DCUN1D1: variants seen among roughly 807,000 people sequenced by gnomAD.
DCUN1D1 encodes DCN1-like protein 1.
DCUN1D1 carries 3 observed loss-of-function variants against 39.0 expected under a neutral mutation model. The ratio of observed to expected loss-of-function variants is 0.08; its 90% CI spans 0.04 to 0.20. The LOEUF is 0.20. Among genes scored for constraint, DCUN1D1 ranks in the 10% least tolerant of loss-of-function variants. The pLI, the probability that DCUN1D1 is intolerant of heterozygous loss-of-function variation, is 1.00. For synonymous variants in DCUN1D1, 82 were observed against 96.3 expected (o/e 0.85, Z 0.87); for missense variants, 158 against 302.4 (o/e 0.52, Z 3.54).
intron 1 of DCUN1D1, among the ~76,000 whole-genome samples, chr3:182,967,180 C>CAA (rs1727715992): frequency 6.7e-6 from 1 of 149,832 alleles, no homozygotes; most frequent in Non-Finnish European, 1.5e-5. Context: ...TTAAGCAACA[C>CAA]ATTTGAGAGC....
chr3:182,964,651 T>C (rs1393043056), intron 2 of DCUN1D1, among the ~76,000 whole-genome samples: 3 of 145,232 alleles, frequency 2.1e-5, no homozygotes, highest in Non-Finnish European at 4.6e-5. Context: ...TTTTTTTTTT[T>C]TTTTTTTGAG....
intron 4 of DCUN1D1, among the ~76,000 whole-genome samples, chr3:182,951,475 G>C (rs1726732946): frequency 6.6e-6 from 1 of 151,556 alleles, no homozygotes; most frequent in Admixed American, 6.6e-5. Flanking sequence ...AACCAGCCGA[G>C]CATGGTTGTA....
At chr3:182,954,899 A>G (rs1414359276) in intron 4 of DCUN1D1, among the ~76,000 whole-genome samples, 1 of 152,222 alleles carries the variant, frequency 6.6e-6, no homozygotes, top group Non-Finnish European at 1.5e-5. Flanking sequence ...TTGGTATTAG[A>G]TAATACATCA....
intron 4 of DCUN1D1, among the ~76,000 whole-genome samples, chr3:182,960,529 A>G (rs1727328751): frequency 6.6e-6 from 1 of 151,938 alleles, no homozygotes; most frequent in Non-Finnish European, 1.5e-5. Flanking sequence ...TTCATATCCC[A>G]CCTTGTCCAG....
In DCUN1D1 at chr3:182,950,009, T is replaced by C. The variant is rs917720802; in HGVS notation, c.521-2377A>G. On this transcript the variant is annotated intron_variant, in intron 4 of 6. Transcript: ENST00000292782. ...CTTCTATCCAAGGATAAGCCCCTTA[T>C]AGCTCTATTCTAAATCCAATACCAT... Among the ~76,000 whole-genome samples, 4 of 152,232 alleles carry C rather than the reference T, an allele frequency of 2.6e-5. No homozygotes were observed. The South Asian group carries it at 6.2e-4, about 24-fold the overall frequency.
At chr3:182,964,383 A>C (rs1224039275) in intron 2 of DCUN1D1, among the ~76,000 whole-genome samples, 1 of 152,212 alleles carries the variant, frequency 6.6e-6, no homozygotes, top group East Asian at 1.9e-4. Flanking sequence ...TATTTTGCTT[A>C]GGTAGGCATT....
At chr3:182,949,650 G>A (rs981914327) in intron 4 of DCUN1D1, among the ~76,000 whole-genome samples, 1 of 152,048 alleles carries the variant, frequency 6.6e-6, no homozygotes, top group African/African-American at 2.4e-5. Context: ...GAGCCCAGGA[G>A]ATCAAGGCTG....
Position 182,963,872 on chromosome 3 carries a change from T to C in DCUN1D1, c.389+9A>G, listed in dbSNP as rs752700461. ...CATATCTAATTTCCTATTGTAATTA[T>C]ATACTCACCCTAATTCTGTCATGCC... On this transcript the variant is annotated intron_variant, in intron 3 of 6. Coordinates refer to ENST00000292782, the MANE Select transcript of DCUN1D1 (RefSeq NM_020640.4). The C allele has an allele frequency of 1.3e-6, 2 of 1,587,584 alleles. No homozygotes were observed. Among genetic ancestry groups the C allele is most frequent in the South Asian group, 1.1e-5 (1 of 88,250 alleles).
chr3:182,947,396 T>C (rs1726469374), intron 5 of DCUN1D1, 62 bp from the exon 6 acceptor site: 5 of 1,280,406 alleles, frequency 3.9e-6, no homozygotes, highest in East Asian at 2.4e-5. Flanking sequence ...CAAAAACAGT[T>C]TGGACAATTT....
intron 1 of DCUN1D1, among the ~76,000 whole-genome samples, chr3:182,966,409 A>G (rs908888330): frequency 1.3e-5 from 2 of 152,052 alleles, no homozygotes; most frequent in African/African-American, 4.8e-5. Context: ...ATCCTATCAA[A>G]ATAATTTTTT....
rs1727370344 is a variant in DCUN1D1 at position 182,961,291 on chromosome 3, C to G, written c.455G>C (p.Gly152Ala). Residue 152 changes from glycine to alanine, a missense_variant, in exon 4 of 7, where the codon GGA (glycine) becomes GCA (alanine). By Grantham distance (60) the Gly-to-Ala change is moderately conservative (BLOSUM62 0). Around this residue, in one of 4 missense-constraint regions of DCUN1D1, gnomAD observed 107 missense variants for 174.7 expected, o/e 0.61. Coordinates refer to ENST00000292782, the MANE Select transcript of DCUN1D1 (RefSeq NM_020640.4). ...PKMEQELKEP[G>A]RFKDFYQFTF... ...AAACTGGTAAAAATCCTTAAATCGT[C>G]CTGGTTCTTTCAATTCTTGTTCCAT... 6.2e-7 allele frequency: 1 copy of G among 1,600,910 alleles called. No individual in the cohort carries two copies. Among genetic ancestry groups the G allele is most frequent in the South Asian group, 1.1e-5 (1 of 89,414 alleles).
Position 182,941,069 on chromosome 3 carries a change from A to G in DCUN1D1, c.*4025T>C, listed in dbSNP as rs1474403608. ...AACACTGAACCTAGTCAAATAAATG[A>G]GTTGGTGAGCAAGAAATGCTACTTA... is the stretch of plus-strand genomic sequence containing the variant. On this transcript the variant is annotated 3_prime_UTR_variant, in exon 7 of 7. Transcript: ENST00000292782. 1 of 152,206 alleles carries G rather than the reference A, an allele frequency of 6.6e-6. No individual in the cohort carries two copies. The highest frequency in any genetic ancestry group is 1.5e-5 in the Non-Finnish European group (1 of 68,020). The allele number at this position is 152,206 out of a possible 1,614,324, so 9.4% of individuals were successfully genotyped here.
intron 1 of DCUN1D1, among the ~76,000 whole-genome samples, chr3:182,975,215 C>G (rs543843873): frequency 6.8e-6 from 1 of 147,908 alleles, no homozygotes; most frequent in Admixed American, 6.8e-5. Context: ...CCCGCTCTGT[C>G]GCCCAGGCTG....
In DCUN1D1 at chr3:182,965,544, T is replaced by C. The variant is rs1488033761; in HGVS notation, c.213A>G (p.Arg71=). The part of the protein sequence containing the change: ...DRKKLEQLYN[R]YKDPQDENKI... ...TCACAAGCAAGCACTCACCTTTGTA[T>C]CTATTGTACAGCTGTTCTAACTTCT... Residue 71 remains arginine (R), a synonymous_variant, in exon 2 of 7, where the codon AGA becomes AGG. Transcript: ENST00000292782. The C allele has an allele frequency of 6.2e-7, 1 of 1,607,600 alleles. No homozygotes were observed. Among genetic ancestry groups the C allele is most frequent in the Non-Finnish European group, 8.5e-7 (1 of 1,175,062 alleles).
intron 6 of DCUN1D1, 86 bp from the exon 7 acceptor site, chr3:182,945,259 G>T: frequency 9.9e-7 from 1 of 1,005,054 alleles, no homozygotes; most frequent in Non-Finnish European, 1.5e-6. Context: ...CTTTTTTTAA[G>T]ACTTCCTCAT....
chr3:182,951,226 C>G (rs1560164170), intron 4 of DCUN1D1, among the ~76,000 whole-genome samples: 1 of 151,980 alleles, frequency 6.6e-6, no homozygotes, highest in Non-Finnish European at 1.5e-5. Context: ...ATTCACTTCA[C>G]TTTAAATGCT....
chr3:182,982,725 C>T (rs1165316219), upstream of DCUN1D1, among the ~76,000 whole-genome samples: 1 of 152,182 alleles, frequency 6.6e-6, no homozygotes, highest in Non-Finnish European at 1.5e-5. Flanking sequence ...TCACTGCAAC[C>T]TCCGCCTCCC....
intron 4 of DCUN1D1, among the ~76,000 whole-genome samples, chr3:182,959,517 A>AC (rs950462662): frequency 6.7e-6 from 1 of 150,134 alleles, no homozygotes; most frequent in African/African-American, 2.5e-5. Flanking sequence ...AAAAAAAAAA[A>AC]AAAAAAAAAC....
rs1320259518 is a variant in DCUN1D1, at chr3:182,938,800, CTTAATA to C, written c.*6288_*6293del. The C allele has an allele frequency of 2.0e-5, 3 of 152,130 alleles. No homozygotes were observed. The highest frequency in any genetic ancestry group is 6.5e-5 in the Admixed American group (1 of 15,268). The allele number at this position is 152,130 out of a possible 1,614,324, so 9.4% of individuals were successfully genotyped here. A position where few individuals can be genotyped will look rare whatever the true frequency, so the allele number is the denominator to read the frequency against. ...TCTCAAAAGTAAAATCTCTGGGAAA[CTTAATA>C]TTAAGACAGTAACTATCTGCACACA... is the stretch of plus-strand genomic sequence containing the variant. On this transcript the variant is annotated 3_prime_UTR_variant, in exon 7 of 7. Transcript: ENST00000292782.
Sources: gnomAD v4.1 joint callset for allele counts (sites outside exome capture counted in the v4.1 genomes callset) on GRCh38, gnomAD v4.1.1 for gene constraint, gnomAD v4.1.1 regional missense constraint, MANE v1.5 for transcripts, NCBI Gene and HGNC (gene_info 2026-07-23, HGNC 2026-07-21) for gene names.